The following TAF4 variants were observed in gnomAD, a reference collection of about 807,000 sequenced individuals.
The protein encoded by TAF4 is TATA-box binding protein associated factor 4, also known as transcription initiation factor TFIID subunit 4.
In TAF4, 9 loss-of-function variants were observed where a neutral mutation model predicts 90.3. That is an observed-to-expected ratio of 0.10 (90% CI 0.06 to 0.17). The LOEUF (loss-of-function observed/expected upper bound fraction) is 0.17. Among genes scored for constraint, TAF4 ranks in the 10% least tolerant of loss-of-function variants. TAF4 has a pLI of 1.00. For synonymous variants in TAF4, 818 were observed against 638.9 expected (o/e 1.28, Z -4.23); for missense variants, 1,351 against 1,370.7 (o/e 0.99, Z 0.23).
At position 62,003,814 on chromosome 20, in the gene TAF4, G is replaced by C. The variant is rs2055724140; in HGVS notation, c.2288C>G (p.Thr763Arg). ...IRPPQVTLTQ[T>R]PMVALRQPHN... ...AGGCTGCCGCAGGGCGACCATGGGT[G>C]TCTGCGTCAACGTCACCTGCGGGGG... The change falls in exon 8 of 15, where the codon ACA becomes AGA. Residue 763 changes from threonine to arginine, a missense_variant. Coordinates refer to ENST00000252996, the MANE Select transcript of TAF4 (RefSeq NM_003185.4). The C allele has an allele frequency of 6.2e-7, 1 of 1,607,516 alleles. No individual in the cohort carries two copies. Among genetic ancestry groups the C allele is most frequent in the Non-Finnish European group, 8.5e-7 (1 of 1,178,730 alleles).
Position 62,064,954 on chromosome 20 carries a change from T to A in TAF4, c.857A>T (p.His286Leu). Residue 286 changes from histidine to leucine, a missense_variant, in exon 1 of 15, where the codon CAC becomes CTC. His to Leu is a moderately conservative substitution (Grantham distance 99). Transcript: ENST00000252996. Reference protein sequence around the residue: ...APATLARPPGHPAGPPTAAPA... With the variant: ...APATLARPPGLPAGPPTAAPA... ...CGCGGCGGTCGGGGGTCCGGCGGGG[T>A]GGCCGGGCGGCCGGGCCAGAGTGGC... The A allele has an allele frequency of 2.6e-6, 1 of 389,288 alleles. No individual in the cohort carries two copies. The highest frequency in any genetic ancestry group is 1.2e-4 in the South Asian group (1 of 8,418). The allele number at this position is 389,288 out of a possible 1,614,324, so 24.1% of individuals were successfully genotyped here.
chr20:61,996,434 C>T (rs1346193257), intron 14 of TAF4, among the ~76,000 whole-genome samples: 2 of 152,084 alleles, frequency 1.3e-5, no homozygotes, highest in Admixed American at 6.6e-5. Flanking sequence ...GACAGTGGAA[C>T]AAGGTCTTGA....
intron 1 of TAF4, among the ~76,000 whole-genome samples, chr20:62,056,297 T>C (rs764177493): frequency 1.3e-5 from 2 of 152,126 alleles, no homozygotes; most frequent in Non-Finnish European, 2.9e-5. Context: ...CGAGAATAAA[T>C]AGCCAACATC....
chr20:62,021,856 AAGAC>A (rs2055845426), intron 1 of TAF4, among the ~76,000 whole-genome samples: 2 of 152,116 alleles, frequency 1.3e-5, no homozygotes, highest in Non-Finnish European at 2.9e-5. Context: ...AAGAAAAAAA[AAGAC>A]AGCCGGCACC....
At chr20:61,989,971 G>A (rs2055620976) in intron 14 of TAF4, among the ~76,000 whole-genome samples, 1 of 152,176 alleles carries the variant, frequency 6.6e-6, no homozygotes, top group South Asian at 2.1e-4. Context: ...TGCGATAAGG[G>A]TGGGGCATCT....
Position 62,064,717 on chromosome 20 carries a change from C to A in TAF4, c.1094G>T (p.Gly365Val), listed in dbSNP as rs1185615481. The part of the protein sequence containing the change: ...PPAAQTLAAS[G>V]PASTAASMVI... ...CATGCTGGCCGCCGTGCTGGCCGGG[C>A]CGCTGGCCGCCAGGGTCTGCGCCGC... The change falls in exon 1 of 15, where the codon GGC (glycine) becomes GTC (valine). Residue 365 changes from glycine (G) to valine (V), a missense_variant. This residue lies in a region of TAF4 where 782 missense variants were observed against 536.6 expected (regional missense o/e 1.46). Transcript: ENST00000252996. 8.1e-7 allele frequency: 1 copy of A among 1,230,344 alleles called. No homozygotes were observed. The highest frequency in any genetic ancestry group is 1.0e-6 in the Non-Finnish European group (1 of 988,842). 76.2% of individuals were successfully genotyped at this position (1,230,344 alleles called of 1,614,324 possible). A position where few individuals can be genotyped will look rare whatever the true frequency, so the allele number is the denominator to read the frequency against.
chr20:62,063,138 A>C (rs1484931886), intron 1 of TAF4, among the ~76,000 whole-genome samples: 1 of 152,180 alleles, frequency 6.6e-6, no homozygotes, highest in Non-Finnish European at 1.5e-5. Flanking sequence ...AAGTAGCTTC[A>C]CAGCTCTCTT....
intron 4 of TAF4, among the ~76,000 whole-genome samples, chr20:62,009,691 T>C (rs2055767042): frequency 1.3e-5 from 2 of 152,044 alleles, no homozygotes; most frequent in African/African-American, 4.8e-5. Context: ...CACCAGTGAC[T>C]CTTCTGTTTT....
At chr20:61,985,942 G>GGAAACACCATCCCCGACCAAAT (rs1373876338) in intron 14 of TAF4, among the ~76,000 whole-genome samples, 2 of 151,384 alleles carry the variant, frequency 1.3e-5, no homozygotes, top group Admixed American at 1.3e-4. Context: ...CCCGACCAAA[G>GGAAACACCATCCCCGACCAAAT]GAACCACCAT....
intron 6 of TAF4, chr20:62,007,038 T>C: frequency 2.8e-6 from 1 of 351,486 alleles, no homozygotes; most frequent in Non-Finnish European, 5.0e-6. Context: ...TTAACATCAC[T>C]GGAAGAGAAG....
chr20:62,063,196 C>A (rs1004165773), intron 1 of TAF4, among the ~76,000 whole-genome samples: 1 of 152,206 alleles, frequency 6.6e-6, no homozygotes, highest in African/African-American at 2.4e-5. Context: ...AGGCTTTCCC[C>A]ACCCCTGCCC....
chr20:62,048,109 T>C (rs964619991), intron 1 of TAF4, among the ~76,000 whole-genome samples: 6 of 151,978 alleles, frequency 3.9e-5, no homozygotes, highest in African/African-American at 1.5e-4. Context: ...CCTCTGAAAA[T>C]CCCTGAAGCC....
rs1424024409 is a variant in TAF4 at position 61,975,270 on chromosome 20, T to C, written c.*898A>G. 1.3e-5 allele frequency: 2 copies of C among 152,492 alleles called. No individual in the cohort carries two copies. Among genetic ancestry groups the C allele is most frequent in the African/African-American group, 2.4e-5 (1 of 41,450 alleles). 9.4% of individuals were successfully genotyped at this position (152,492 alleles called of 1,614,324 possible). A position where few individuals can be genotyped will look rare whatever the true frequency, so the allele number is the denominator to read the frequency against. On this transcript the variant is annotated 3_prime_UTR_variant, in exon 15 of 15. Transcript: ENST00000252996. ...ATTATAGTTTACATAGCCATTTCTA[T>C]GTCATGTGCCAAAAGTTATGTACAA...
chr20:62,011,860 G>A (rs966762869), intron 3 of TAF4, among the ~76,000 whole-genome samples: 1 of 152,204 alleles, frequency 6.6e-6, no homozygotes, highest in East Asian at 1.9e-4. Context: ...ATCCACGGAT[G>A]CTCACAGACA....
chr20:62,052,135 C>G (rs2056032149), intron 1 of TAF4, among the ~76,000 whole-genome samples: 1 of 152,134 alleles, frequency 6.6e-6, no homozygotes, highest in African/African-American at 2.4e-5. Flanking sequence ...GGCCAACCAG[C>G]TCCAAGTGGG....
intron 1 of TAF4, among the ~76,000 whole-genome samples, chr20:62,038,771 G>A (rs945476493): frequency 1.3e-5 from 2 of 152,188 alleles, no homozygotes; most frequent in African/African-American, 4.8e-5. Context: ...TCAAGGTATT[G>A]GCCAGGCCCA....
At chr20:62,026,807 C>T (rs1343188587) in intron 1 of TAF4, among the ~76,000 whole-genome samples, 1 of 152,210 alleles carries the variant, frequency 6.6e-6, no homozygotes, top group Admixed American at 6.5e-5. Flanking sequence ...ACACTCTCCC[C>T]CGGGCTCTGA....
chr20:61,984,886 G>A (rs1487225506), intron 14 of TAF4, among the ~76,000 whole-genome samples: 3 of 85,942 alleles, frequency 3.5e-5, no homozygotes, highest in African/African-American at 1.5e-4. Context: ...GAGGGAAGGT[G>A]CAGCAGGACT....
At chr20:62,034,831 T>TTC (rs201192446) in intron 1 of TAF4, among the ~76,000 whole-genome samples, 7 of 150,688 alleles carry the variant, frequency 4.6e-5, no homozygotes, top group African/African-American at 1.7e-4. Flanking sequence ...AGATTTCTTT[T>TTC]TTTTTTTGAG....
Sources: allele counts gnomAD v4.1 joint callset (sites outside exome capture counted in the v4.1 genomes callset), GRCh38; gene constraint gnomAD v4.1.1; regional missense constraint gnomAD v4.1.1; transcripts MANE v1.5; gene names NCBI Gene and HGNC (gene_info 2026-07-23, HGNC 2026-07-21).